LAMA3: variants seen among roughly 807,000 people sequenced by gnomAD.
LAMA3 encodes the protein laminin subunit alpha-3.
A neutral mutation model predicts 402.0 loss-of-function variants in LAMA3; 281 were observed. The ratio of observed to expected loss-of-function variants is 0.70; its 90% CI spans 0.63 to 0.77. LAMA3 has a LOEUF of 0.77. LAMA3 is among the 30% of genes least tolerant of loss of function. LAMA3 has a pLI of 0.00. For synonymous variants in LAMA3, 1,431 were observed against 1,558.4 expected, an observed-to-expected ratio of 0.92 and a Z score of 1.93; for missense variants, 3,840 against 4,215.5, an observed-to-expected ratio of 0.91 and a Z score of 2.47.
chr18:23,904,683 T>A lies in LAMA3; in HGVS notation c.6604T>A (p.Ser2202Thr). 6.2e-7 allele frequency: 1 copy of A among 1,614,108 alleles called. No individual in the cohort carries two copies. The highest frequency in any genetic ancestry group is 8.5e-7 in the Non-Finnish European group (1 of 1,180,034). ...AANRAASASE[S>T]ALQTVIKEDL... ...CAACAGGGCTGCCAGTGCATCTGAA[T>A]CTGCCCTCCAGGTGGGCACCTGTAC... is the stretch of plus-strand genomic sequence containing the variant. Residue 2202 changes from serine (S) to threonine (T), a missense_variant, in exon 51 of 75, where the codon TCT becomes ACT. Ser to Thr is a moderately conservative substitution (Grantham distance 58, BLOSUM62 1). Around this residue, in one of 3 missense-constraint regions of LAMA3, gnomAD observed 891 missense variants for 857.5 expected, o/e 1.04. Coordinates refer to ENST00000313654, the MANE Select transcript of LAMA3 (RefSeq NM_198129.4).
At chr18:23,930,787 C>T (rs191345647) in intron 64 of LAMA3, among the ~76,000 whole-genome samples, 30 of 151,992 alleles carry the variant, frequency 2.0e-4, no homozygotes, top group Admixed American at 1.5e-3. Context: ...TTTGTATAGT[C>T]GATTGAGAAA....
intron 34 of LAMA3, among the ~76,000 whole-genome samples, chr18:23,861,240 A>G (rs1322429381): frequency 6.6e-6 from 1 of 152,044 alleles, no homozygotes; most frequent in Non-Finnish European, 1.5e-5. Flanking sequence ...TTGATGCTCC[A>G]TTTAGAGAAA....
In LAMA3 at chr18:23,725,065, G is replaced by A. The variant is rs539526685; in HGVS notation, c.447+10993G>A. Among the ~76,000 whole-genome samples the A allele has an allele frequency of 2.2e-4, 33 of 151,610 alleles. No individual in the cohort carries two copies. The South Asian group carries it at 6.7e-3, about 31-fold the overall frequency. Reference sequence around the variant, plus strand: ...ATTTCCTTACTTTAGGAAAAAACAAGAACCAAACCAAACCACCTTTTCTAA... The same window carrying A: ...ATTTCCTTACTTTAGGAAAAAACAAAAACCAAACCAAACCACCTTTTCTAA... On this transcript the variant is annotated intron_variant, in intron 2 of 74. Coordinates refer to ENST00000313654, the MANE Select transcript of LAMA3 (RefSeq NM_198129.4).
chr18:23,812,075 A>G (rs112355103), intron 13 of LAMA3, among the ~76,000 whole-genome samples: 159 of 152,014 alleles, frequency 1.0e-3, no homozygotes, highest in African/African-American at 3.4e-3. Flanking sequence ...GGGTTTCACC[A>G]TGTCAGCCAG....
In LAMA3 at chr18:23,907,624, A is replaced by G; in HGVS notation, c.6793A>G (p.Asn2265Asp). ...VTVQKEVIDT[N>D]LTTLRDGLHG... ...AGTTCAGAAAGAAGTGATAGACACC[A>G]ATCTCACAACTCTCCGAGATGGTCT... Residue 2265 changes from asparagine to aspartate, a missense_variant, in exon 53 of 75, where the codon AAT (asparagine) becomes GAT (aspartate). Asn to Asp is a conservative substitution (Grantham distance 23). Around this residue, in one of 3 missense-constraint regions of LAMA3, gnomAD observed 891 missense variants for 857.5 expected, o/e 1.04. Transcript: ENST00000313654. The G allele has an allele frequency of 6.2e-7, 1 of 1,614,036 alleles. No homozygotes were observed. The highest frequency in any genetic ancestry group is 8.5e-7 in the Non-Finnish European group (1 of 1,179,876).
intron 7 of LAMA3, among the ~76,000 whole-genome samples, chr18:23,761,759 T>G (rs946382431): frequency 6.6e-6 from 1 of 152,146 alleles, no homozygotes; most frequent in African/African-American, 2.4e-5. Context: ...AACATGCCAG[T>G]AAAATAAAGA....
intron 8 of LAMA3, among the ~76,000 whole-genome samples, chr18:23,764,298 A>C (rs2062032432): frequency 6.6e-6 from 1 of 152,186 alleles, no homozygotes; most frequent in African/African-American, 2.4e-5. Context: ...AGTAAAATAT[A>C]AAATATAAAA....
chr18:23,952,734 A>G (rs1172875662), intron 73 of LAMA3, among the ~76,000 whole-genome samples: 1 of 152,202 alleles, frequency 6.6e-6, no homozygotes, highest in Non-Finnish European at 1.5e-5. Context: ...TCAGTGAGAC[A>G]CATTCTCTTA....
At chr18:23,705,429 C>T (rs993606745) in intron 1 of LAMA3, among the ~76,000 whole-genome samples, 7 of 148,852 alleles carry the variant, frequency 4.7e-5, no homozygotes, top group East Asian at 1.9e-4. Context: ...AGACCCAGCT[C>T]GGGAATGTAT....
chr18:23,705,441 A>G (rs866618448), intron 1 of LAMA3, among the ~76,000 whole-genome samples: 1 of 142,168 alleles, frequency 7.0e-6, no homozygotes, highest in South Asian at 2.3e-4. Flanking sequence ...GGAATGTATT[A>G]TCATGACATA....
In LAMA3 at chr18:23,748,049, A is replaced by G. The variant is rs1167146215; in HGVS notation, c.554A>G (p.Gln185Arg). Residue 185 changes from glutamine to arginine, a missense_variant, in exon 3 of 75, where the codon CAA becomes CGA. Coordinates refer to ENST00000313654, the MANE Select transcript of LAMA3 (RefSeq NM_198129.4). ...VDFGSTYSPW[Q>R]YFAHSKVDCL... ...TTTGGAAGCACCTACTCACCATGGC[A>G]ATATTTTGCTCGTAAGTAATCTTGC... 4 of 1,591,144 alleles carry G rather than the reference A, an allele frequency of 2.5e-6. No individual in the cohort carries two copies. The South Asian group carries it at 4.4e-5, about 18-fold the overall frequency.
intron 10 of LAMA3, among the ~76,000 whole-genome samples, chr18:23,776,643 T>C (rs1256722426): frequency 6.6e-6 from 1 of 152,102 alleles, no homozygotes; most frequent in African/African-American, 2.4e-5. Flanking sequence ...GAAAAGCATA[T>C]TGAGTTGTGG....
At chr18:23,826,123 G>A (rs1044518156) in intron 21 of LAMA3, among the ~76,000 whole-genome samples, 1 of 152,164 alleles carries the variant, frequency 6.6e-6, no homozygotes, top group Non-Finnish European at 1.5e-5. Flanking sequence ...CCTCCCAGAA[G>A]CCTGCAGCTC....
chr18:23,816,560 A>C (rs567246196), intron 18 of LAMA3, 73 bp downstream of exon 18: 10 of 1,231,736 alleles, frequency 8.1e-6, no homozygotes, highest in East Asian at 2.4e-5. Flanking sequence ...CCTGTGCTAC[A>C]GCTCTGGAGA....
chr18:23,951,772 T>C lies in LAMA3; in HGVS notation c.9731T>C (p.Val3244Ala). 1 of 1,612,088 alleles carries C rather than the reference T, an allele frequency of 6.2e-7. No individual in the cohort carries two copies. Among genetic ancestry groups the C allele is most frequent in the Non-Finnish European group, 8.5e-7 (1 of 1,178,266 alleles). ...QSLCDGQWHS[V>A]AVTIKQHILH... ...CTGTGTGATGGACAGTGGCACTCGGTGGCAGGTATGTTGTCCAGTAGCTGA... is the reference window on the plus strand; with the variant it reads ...CTGTGTGATGGACAGTGGCACTCGGCGGCAGGTATGTTGTCCAGTAGCTGA... The change falls in exon 73 of 75, where the codon GTG (valine) becomes GCG (alanine). Residue 3244 changes from valine to alanine, a missense_variant. This residue lies in a region of LAMA3 where 840 missense variants were observed against 981.9 expected (regional missense o/e 0.86). Transcript: ENST00000313654.
chr18:23,756,659 C>T (rs561788811), intron 6 of LAMA3, among the ~76,000 whole-genome samples: 1 of 152,260 alleles, frequency 6.6e-6, no homozygotes, highest in Non-Finnish European at 1.5e-5. Context: ...TTCCATCTAC[C>T]GCAGTGAGAC....
intron 64 of LAMA3, 42 bp from the exon 65 acceptor site, chr18:23,931,020 A>G: frequency 6.5e-7 from 1 of 1,543,948 alleles, no homozygotes; most frequent in Non-Finnish European, 9.0e-7. Flanking sequence ...CATAATCCTT[A>G]TATGCAAATT....
chr18:23,833,294 G>A (rs2063520121), intron 23 of LAMA3, among the ~76,000 whole-genome samples: 2 of 152,074 alleles, frequency 1.3e-5, no homozygotes, highest in Non-Finnish European at 2.9e-5. Flanking sequence ...AAATGGTTTG[G>A]TATGAAAATC....
In LAMA3 at chr18:23,731,889, C is replaced by T. The variant is rs1486645701; in HGVS notation, c.448-16054C>T. Among the ~76,000 whole-genome samples the T allele has an allele frequency of 4.6e-5, 7 of 152,262 alleles. No homozygotes were observed. The East Asian group carries it at 9.6e-4, about 21-fold the overall frequency. The stretch of plus-strand genomic sequence containing the variant: ...AATATACCCATGTAACAAACCTACA[C>T]ATGCACTTCCTGGATCTAAAGTAAA... On this transcript the variant is annotated intron_variant, in intron 2 of 74. Transcript: ENST00000313654.
Sources: gnomAD v4.1 joint callset for allele counts (sites outside exome capture counted in the v4.1 genomes callset) on GRCh38, gnomAD v4.1.1 for gene constraint, gnomAD v4.1.1 regional missense constraint, MANE v1.5 for transcripts, NCBI Gene and HGNC (gene_info 2026-07-23, HGNC 2026-07-21) for gene names.